Variants in C1QTNF3 observed in about 807,000 individuals in gnomAD.
C1QTNF3 encodes the protein complement C1q tumor necrosis factor-related protein 3.
Under a neutral mutation model 32.6 loss-of-function variants are expected in C1QTNF3, and 26 were observed. That is an observed-to-expected ratio of 0.80 (90% CI 0.58 to 1.11). The LOEUF (loss-of-function observed/expected upper bound fraction) is 1.11, where lower values mean the gene tolerates loss of function less well. Among genes scored for constraint, C1QTNF3 ranks in the 50% least tolerant of loss-of-function variants. C1QTNF3 has a pLI of 0.00. For synonymous variants in C1QTNF3, 155 were observed against 146.0 expected (o/e 1.06, Z -0.44); for missense variants, 362 against 398.2 (o/e 0.91, Z 0.77).
the C1QTNF3 span, among the ~76,000 whole-genome samples, chr5:34,229,162 T>A: frequency 6.6e-6 from 1 of 152,022 alleles, no homozygotes; most frequent in African/African-American, 2.4e-5. Context: ...GCAACTTCTG[T>A]CACTAAACCT....
the C1QTNF3 span, among the ~76,000 whole-genome samples, chr5:34,187,299 C>T: frequency 8.5e-5 from 13 of 152,292 alleles, no homozygotes; most frequent in African/African-American, 3.1e-4. Flanking sequence ...AGTGTGAGAA[C>T]AGACTAATAC....
At chr5:34,102,184 T>C in the C1QTNF3 span, among the ~76,000 whole-genome samples, 1 of 151,970 alleles carries the variant, frequency 6.6e-6, no homozygotes, top group Non-Finnish European at 1.5e-5. Context: ...TCCTCAAAGA[T>C]AACGAATATT....
At chr5:34,112,393 C>T in the C1QTNF3 span, among the ~76,000 whole-genome samples, 1 of 151,872 alleles carries the variant, frequency 6.6e-6, no homozygotes, top group Admixed American at 6.6e-5. Context: ...GGTGCAGTGG[C>T]TCATACCTAT....
At chr5:34,109,908 A>G in the C1QTNF3 span, among the ~76,000 whole-genome samples, 2 of 152,400 alleles carry the variant, frequency 1.3e-5, no homozygotes, top group South Asian at 4.1e-4. Flanking sequence ...TCCTCACGGT[A>G]TAGTGGCTAG....
chr5:34,137,478 T>C, the C1QTNF3 span, among the ~76,000 whole-genome samples: 15 of 152,162 alleles, frequency 9.9e-5, no homozygotes. Flanking sequence ...TGTGGATCAT[T>C]CAATCTCCAG....
the C1QTNF3 span, among the ~76,000 whole-genome samples, chr5:34,056,519 G>C: frequency 7.5e-6 from 1 of 132,994 alleles, no homozygotes; most frequent in Non-Finnish European, 1.6e-5. Flanking sequence ...GAGAGAGAGA[G>C]AGAGAGAGAA....
At chr5:34,166,869 T>A in the C1QTNF3 span, 2 of 152,226 alleles carry the variant, frequency 1.3e-5, no homozygotes, top group East Asian at 3.9e-4. Context: ...TCATATAAAT[T>A]TGTGAAGGTT....
chr5:34,177,549 C>T, the C1QTNF3 span, among the ~76,000 whole-genome samples: 1 of 143,430 alleles, frequency 7.0e-6, no homozygotes, highest in Non-Finnish European at 1.5e-5. Context: ...TGCAGTGGCA[C>T]AATCTCGGCT....
At chr5:34,091,729 ATG>A in the C1QTNF3 span, among the ~76,000 whole-genome samples, 1 of 152,112 alleles carries the variant, frequency 6.6e-6, no homozygotes, top group Non-Finnish European at 1.5e-5. Context: ...TTCTAGCATG[ATG>A]TCTCGTTTTA....
At chr5:34,182,329 A>AT in the C1QTNF3 span, among the ~76,000 whole-genome samples, 2 of 152,228 alleles carry the variant, frequency 1.3e-5, no homozygotes, top group South Asian at 4.2e-4. Context: ...TACAAAAAAA[A>AT]TTTTTTTAAT....
the C1QTNF3 span, among the ~76,000 whole-genome samples, chr5:34,096,824 AC>A: frequency 3.7e-4 from 56 of 151,886 alleles, no homozygotes; most frequent in African/African-American, 1.3e-3. Flanking sequence ...AAGTTTATGA[AC>A]AAATACCACT....
upstream of C1QTNF3, among the ~76,000 whole-genome samples, chr5:34,047,611 C>A (rs568850632): frequency 1.3e-5 from 2 of 152,302 alleles, no homozygotes; most frequent in African/African-American, 4.8e-5. Context: ...CTTGCCTCTT[C>A]CCAGTGAAAA....
At chr5:34,025,435 C>T (rs1413654855) in intron 4 of C1QTNF3, among the ~76,000 whole-genome samples, 1 of 152,106 alleles carries the variant, frequency 6.6e-6, no homozygotes, top group Non-Finnish European at 1.5e-5. Context: ...AAATGAAATG[C>T]CTGGAGTTGG....
the C1QTNF3 span, among the ~76,000 whole-genome samples, chr5:34,164,311 G>A: frequency 1.4e-4 from 21 of 152,064 alleles, no homozygotes; most frequent in African/African-American, 3.9e-4. Context: ...TTTTGCACTC[G>A]AATTAGACAA....
At chr5:34,068,588 C>A in the C1QTNF3 span, among the ~76,000 whole-genome samples, 8 of 151,796 alleles carry the variant, frequency 5.3e-5, no homozygotes, top group African/African-American at 1.9e-4. Flanking sequence ...ATATTTGTAT[C>A]TTTGTCTTTA....
At chr5:34,140,090 TGAA>T in the C1QTNF3 span, among the ~76,000 whole-genome samples, 1 of 152,144 alleles carries the variant, frequency 6.6e-6, no homozygotes, top group East Asian at 1.9e-4. Flanking sequence ...CTATAGCCAT[TGAA>T]GTTGTGAGCA....
chr5:34,072,140 C>T, the C1QTNF3 span, among the ~76,000 whole-genome samples: 1 of 151,856 alleles, frequency 6.6e-6, no homozygotes, highest in Non-Finnish European at 1.5e-5. Flanking sequence ...AGTTACAATT[C>T]ACTTGTTGTG....
the C1QTNF3 span, among the ~76,000 whole-genome samples, chr5:34,183,815 GATAA>G: frequency 2.0e-5 from 3 of 152,250 alleles, no homozygotes; most frequent in African/African-American, 7.2e-5. Flanking sequence ...ATATTTCCTA[GATAA>G]ATAAAGTCAA....
chr5:34,102,674 G>A, the C1QTNF3 span, among the ~76,000 whole-genome samples: 3 of 152,248 alleles, frequency 2.0e-5, no homozygotes, highest in African/African-American at 7.2e-5. Context: ...CCCAACAAAT[G>A]ATGAGTTCAT....
Sources: gnomAD v4.1 joint callset for allele counts (sites outside exome capture counted in the v4.1 genomes callset) on GRCh38, gnomAD v4.1.1 for gene constraint, MANE v1.5 for transcripts, NCBI Gene and HGNC (gene_info 2026-07-23, HGNC 2026-07-21) for gene names.